ERBB4: variants seen among roughly 807,000 people sequenced by gnomAD.
ERBB4 encodes erb-b2 receptor tyrosine kinase 4.
Under a neutral mutation model 158.0 loss-of-function variants are expected in ERBB4, and 42 were observed. The ratio of observed to expected loss-of-function variants is 0.27; its 90% confidence interval spans 0.21 to 0.34. The LOEUF is 0.34. Ranked by LOEUF, ERBB4 falls within the 10% of genes least tolerant of loss-of-function variation. ERBB4 has a pLI of 1.00. For missense variants in ERBB4, 1,333 were observed against 1,624.1 expected, an observed-to-expected ratio of 0.82 and a Z score of 3.08; for synonymous variants, 583 against 558.7, an observed-to-expected ratio of 1.04 and a Z score of -0.61.
At chr2:211,741,363 T>A (rs2074788533) in intron 5 of ERBB4, among the ~76,000 whole-genome samples, 1 of 151,896 alleles carries the variant, frequency 6.6e-6, no homozygotes, top group Non-Finnish European at 1.5e-5. Flanking sequence ...ATCCCTCTGC[T>A]TAGAATAGCT....
chr2:212,513,418 A>C (rs1486690952), intron 1 of ERBB4, among the ~76,000 whole-genome samples: 1 of 152,206 alleles, frequency 6.6e-6, no homozygotes, highest in East Asian at 1.9e-4. Context: ...TGTCATGCTA[A>C]ATACCTTATA....
At chr2:212,153,122 G>A (rs2080924333) in intron 1 of ERBB4, among the ~76,000 whole-genome samples, 1 of 152,168 alleles carries the variant, frequency 6.6e-6, no homozygotes, top group South Asian at 2.1e-4. Flanking sequence ...CATTACTGTG[G>A]ATAATGTTAA....
intron 3 of ERBB4, among the ~76,000 whole-genome samples, chr2:211,809,136 T>C (rs1324987625): frequency 6.6e-6 from 1 of 152,190 alleles, no homozygotes; most frequent in Admixed American, 6.5e-5. Context: ...TCTTGCCTGA[T>C]TGCCCTGGCC....
At chr2:212,120,933 C>T (rs1246238936) in intron 2 of ERBB4, among the ~76,000 whole-genome samples, 1 of 152,114 alleles carries the variant, frequency 6.6e-6, no homozygotes, top group Admixed American at 6.5e-5. Flanking sequence ...TTTACATGGA[C>T]TCCACTTACT....
At chr2:212,140,073 T>G (rs1371972544) in intron 1 of ERBB4, among the ~76,000 whole-genome samples, 2 of 151,810 alleles carry the variant, frequency 1.3e-5, no homozygotes, top group East Asian at 3.8e-4. Context: ...GAAGACTTAA[T>G]GCAAGTCAAA....
At chr2:212,234,342 A>G (rs548404502) in intron 1 of ERBB4, among the ~76,000 whole-genome samples, 10 of 152,242 alleles carry the variant, frequency 6.6e-5, no homozygotes, top group African/African-American at 2.4e-4. Flanking sequence ...ATAGTATTCC[A>G]TGGTGTATAT....
chr2:211,596,787 G>A (rs533510405), intron 19 of ERBB4, among the ~76,000 whole-genome samples: 2 of 150,358 alleles, frequency 1.3e-5, no homozygotes, highest in South Asian at 4.2e-4. Flanking sequence ...TTTCTGAGAT[G>A]GAGTTTCACT....
intron 3 of ERBB4, among the ~76,000 whole-genome samples, chr2:211,939,257 C>T (rs182867139): frequency 3.2e-4 from 48 of 152,118 alleles, no homozygotes; most frequent in Non-Finnish European, 5.6e-4. Context: ...ATATGAAGAA[C>T]GGGTAAATAG....
intron 1 of ERBB4, among the ~76,000 whole-genome samples, chr2:212,307,970 T>TTA (rs529824843): frequency 4.7e-4 from 71 of 150,920 alleles, no homozygotes; most frequent in African/African-American, 1.7e-3. Flanking sequence ...GATCCATGCA[T>TTA]TATAACCAAG....
chr2:212,264,462 T>C (rs1407358544), intron 1 of ERBB4, among the ~76,000 whole-genome samples: 1 of 152,066 alleles, frequency 6.6e-6, no homozygotes, highest in African/African-American at 2.4e-5. Flanking sequence ...CACTGTATAT[T>C]ACTGGAAGAA....
chr2:211,681,943 G>T (rs2072353249), intron 12 of ERBB4, among the ~76,000 whole-genome samples: 1 of 151,416 alleles, frequency 6.6e-6, no homozygotes, highest in Non-Finnish European at 1.5e-5. Context: ...AAGTTTTATA[G>T]GTTTCACAAT....
intron 12 of ERBB4, among the ~76,000 whole-genome samples, chr2:211,679,773 G>A (rs1000371852): frequency 1.3e-5 from 2 of 152,006 alleles, no homozygotes; most frequent in African/African-American, 2.4e-5. Context: ...TCCACCTCCC[G>A]GGTTTAAGCA....
intron 1 of ERBB4, among the ~76,000 whole-genome samples, chr2:212,252,627 A>ATAC (rs761086781): frequency 6.6e-6 from 1 of 152,184 alleles, no homozygotes; most frequent in South Asian, 2.1e-4. Flanking sequence ...AGAAATCAGG[A>ATAC]TGTAGCCAGG....
chr2:212,317,952 T>TA (rs1478890242), intron 1 of ERBB4, among the ~76,000 whole-genome samples: 17 of 151,572 alleles, frequency 1.1e-4, no homozygotes, highest in African/African-American at 3.6e-4. Context: ...CAAAAGAAGT[T>TA]AAAAAAGAGA....
chr2:212,330,228 T>TTTGC (rs994862696), intron 1 of ERBB4, among the ~76,000 whole-genome samples: 3 of 151,700 alleles, frequency 2.0e-5, no homozygotes, highest in African/African-American at 4.8e-5. Flanking sequence ...GTGTTTTTTG[T>TTTGC]TTGTTTGTTT....
rs1041047653 is a variant in ERBB4, at chr2:211,377,452, A to G, written c.*6163T>C. The G allele has an allele frequency of 4.3e-6, 1 of 232,896 alleles. No homozygotes were observed. Among genetic ancestry groups the G allele is most frequent in the African/African-American group, 2.2e-5 (1 of 45,310 alleles). 14.4% of individuals were successfully genotyped at this position (232,896 alleles called of 1,614,324 possible). On this transcript the variant is annotated 3_prime_UTR_variant, in exon 28 of 28. Coordinates refer to ENST00000342788, the MANE Select transcript of ERBB4 (RefSeq NM_005235.3). ...AGGGAAAGCTCACTAGAGCATGAAAAGAAAAACGTCCATAAAGAGCAAAAG... is the reference window on the plus strand; with the variant it reads ...AGGGAAAGCTCACTAGAGCATGAAAGGAAAAACGTCCATAAAGAGCAAAAG...
intron 20 of ERBB4, among the ~76,000 whole-genome samples, chr2:211,545,994 CACCCTCCCTTTCCAT>C (rs1287771113): frequency 1.3e-5 from 2 of 152,060 alleles, no homozygotes; most frequent in Non-Finnish European, 2.9e-5. Flanking sequence ...CCACTCAGCT[CACCCTCCCTTTCCAT>C]AACTACACAT....
chr2:211,594,906 T>C (rs990123445), intron 19 of ERBB4, among the ~76,000 whole-genome samples: 14 of 152,198 alleles, frequency 9.2e-5, no homozygotes, highest in African/African-American at 2.9e-4. Context: ...ACTGAAATAG[T>C]ATAAACATTA....
intron 20 of ERBB4, among the ~76,000 whole-genome samples, chr2:211,446,416 A>G (rs2064114070): frequency 6.6e-6 from 1 of 152,240 alleles, no homozygotes. Context: ...ATAAGGAAAA[A>G]TGAACAAAAA....
Sources: allele counts gnomAD v4.1 joint callset (sites outside exome capture counted in the v4.1 genomes callset), GRCh38; gene constraint gnomAD v4.1.1; transcripts MANE v1.5; gene names NCBI Gene and HGNC (gene_info 2026-07-23, HGNC 2026-07-21).